The following NFATC1 variants were observed in gnomAD, a reference collection of about 807,000 sequenced individuals.
NFATC1 encodes nuclear factor of activated T-cells, cytoplasmic 1.
Under a neutral mutation model 76.0 loss-of-function variants are expected in NFATC1, and 22 were observed. That is an observed-to-expected ratio of 0.29 (90% CI 0.21 to 0.41). The LOEUF (loss-of-function observed/expected upper bound fraction) is 0.41. Ranked by LOEUF, NFATC1 falls within the 10% of genes least tolerant of loss-of-function variation. NFATC1 has a pLI of 1.00. For synonymous variants in NFATC1, 704 were observed against 613.1 expected (o/e 1.15, Z -2.19); for missense variants, 1,357 against 1,337.7 (o/e 1.01, Z -0.23).
In NFATC1 at chr18:79,451,772, A is replaced by G. The variant is rs572688512; in HGVS notation, c.1859A>G (p.Asn620Ser). 6.2e-7 allele frequency: 1 copy of G among 1,613,050 alleles called. No individual in the cohort carries two copies. The highest frequency in any genetic ancestry group is 8.5e-7 in the Non-Finnish European group (1 of 1,179,614). Reference sequence around the variant, plus strand: ...AAGAAGATGGTCCTGTCTGGCCACAACTTCCTGCAGGACTCCAAGGTCATT... The same window carrying G: ...AAGAAGATGGTCCTGTCTGGCCACAGCTTCCTGCAGGACTCCAAGGTCATT... ...GGKKMVLSGHNFLQDSKVIFV... is the reference protein window; with the variant it reads ...GGKKMVLSGHSFLQDSKVIFV... Residue 620 changes from asparagine (N) to serine (S), a missense_variant, in exon 6 of 10, where the codon AAC (asparagine) becomes AGC (serine). By Grantham distance (46) the Asn-to-Ser change is conservative. Transcript: ENST00000427363.
intron 9 of NFATC1, among the ~76,000 whole-genome samples, chr18:79,501,513 G>A (rs1332232374): frequency 6.6e-6 from 1 of 152,158 alleles, no homozygotes. Flanking sequence ...GAAATAAAAG[G>A]CAACCGGAAT....
chr18:79,425,171 ATCTGTCTCTCTGTC>A (rs1358320296), intron 2 of NFATC1, among the ~76,000 whole-genome samples: 13 of 34,328 alleles, frequency 3.8e-4, no homozygotes, highest in Admixed American at 1.9e-3. Flanking sequence ...CTGTCTCTCC[ATCTGTCTCTCTGTC>A]TCTGTCTCTC....
chr18:79,482,954 C>T (rs1350435949), intron 8 of NFATC1, among the ~76,000 whole-genome samples: 1 of 140,222 alleles, frequency 7.1e-6, no homozygotes. Flanking sequence ...GGTGTAATTC[C>T]AGCGTGACCT....
chr18:79,463,480 C>A (rs1028120946), intron 7 of NFATC1, among the ~76,000 whole-genome samples: 436 of 94,690 alleles, frequency 4.6e-3, no homozygotes, highest in Non-Finnish European at 6.5e-3. Context: ...TCCCCACAGC[C>A]CGTTCCCGTG....
chr18:79,424,007 C>G (rs958327066), intron 2 of NFATC1, among the ~76,000 whole-genome samples: 1 of 152,154 alleles, frequency 6.6e-6, no homozygotes, highest in Admixed American at 6.5e-5. Flanking sequence ...TAAGGTTGCC[C>G]GGGCCGCCGA....
intron 3 of NFATC1, among the ~76,000 whole-genome samples, chr18:79,447,506 C>T (rs550705339): frequency 2.0e-5 from 3 of 152,350 alleles, no homozygotes; most frequent in South Asian, 4.1e-4. Context: ...GGGGTCGACG[C>T]GTCCCAGGAT....
At chr18:79,454,195 G>A (rs970835027) in intron 6 of NFATC1, among the ~76,000 whole-genome samples, 6 of 152,186 alleles carry the variant, frequency 3.9e-5, no homozygotes, top group Admixed American at 6.5e-5. Context: ...TGCGTCTCTC[G>A]ACTGTCCTGC....
chr18:79,439,422 C>T (rs1440328268), intron 3 of NFATC1, among the ~76,000 whole-genome samples: 1 of 152,206 alleles, frequency 6.6e-6, no homozygotes, highest in African/African-American at 2.4e-5. Flanking sequence ...GGTCTGACCA[C>T]AAAACCACAC....
At chr18:79,404,414 A>G (rs1193025809) in intron 1 of NFATC1, among the ~76,000 whole-genome samples, 1 of 152,196 alleles carries the variant, frequency 6.6e-6, no homozygotes, top group African/African-American at 2.4e-5. Context: ...TGCCACTGTG[A>G]GGCAGCGTTT....
intron 7 of NFATC1, among the ~76,000 whole-genome samples, chr18:79,461,960 C>T (rs557341388): frequency 4.6e-5 from 7 of 152,372 alleles, no homozygotes; most frequent in East Asian, 1.9e-4. Flanking sequence ...AGCCTGTTAG[C>T]GGGCGGTGCA....
intron 2 of NFATC1, among the ~76,000 whole-genome samples, chr18:79,427,975 GTGCT>G (rs2086455338): frequency 6.9e-6 from 1 of 144,324 alleles, no homozygotes; most frequent in Admixed American, 6.9e-5. Context: ...TGGCGGGGGG[GTGCT>G]GGACGGCTGG....
intron 3 of NFATC1, among the ~76,000 whole-genome samples, chr18:79,441,658 C>T (rs558909632): frequency 3.3e-5 from 5 of 152,178 alleles, no homozygotes; most frequent in African/African-American, 9.6e-5. Flanking sequence ...AAATGACAAG[C>T]GCTCCTGCCG....
chr18:79,457,186 C>T (rs2087779405), intron 6 of NFATC1, among the ~76,000 whole-genome samples: 2 of 152,102 alleles, frequency 1.3e-5, no homozygotes, highest in South Asian at 2.1e-4. Context: ...AACCCCCAGG[C>T]TTCTCTGTTT....
intron 2 of NFATC1, among the ~76,000 whole-genome samples, chr18:79,419,462 C>T (rs555334833): frequency 3.8e-5 from 5 of 132,246 alleles, no homozygotes; most frequent in Non-Finnish European, 8.4e-5. Context: ...GGAGGGCCGG[C>T]ACCTGCCTGC....
At chr18:79,401,787 G>A (rs2085267054) in intron 1 of NFATC1, among the ~76,000 whole-genome samples, 1 of 152,162 alleles carries the variant, frequency 6.6e-6, no homozygotes, top group Non-Finnish European at 1.5e-5. Context: ...GGGGTCGGGT[G>A]GGACCTCCCA....
intron 6 of NFATC1, among the ~76,000 whole-genome samples, chr18:79,460,877 C>T (rs576148104): frequency 2.6e-5 from 4 of 152,320 alleles, no homozygotes; most frequent in African/African-American, 9.6e-5. Context: ...ACGCCCTGCA[C>T]ACGCTCTGCT....
chr18:79,451,836 C>T lies in NFATC1; in HGVS notation c.1903+20C>T. 1 of 1,588,964 alleles carries T rather than the reference C, an allele frequency of 6.3e-7. No homozygotes were observed. Among genetic ancestry groups the T allele is most frequent in the East Asian group, 2.3e-5 (1 of 44,040 alleles). Reference sequence around the variant, plus strand: ...CCCCAGGTATGCTCTTCACCAGGGGCCATCTGCGGCCTGGGCTTCGGCGCT... The same window carrying T: ...CCCCAGGTATGCTCTTCACCAGGGGTCATCTGCGGCCTGGGCTTCGGCGCT... On this transcript the variant is annotated intron_variant, in intron 6 of 9. Coordinates refer to ENST00000427363, the MANE Select transcript of NFATC1 (RefSeq NM_001278669.2).
intron 9 of NFATC1, among the ~76,000 whole-genome samples, chr18:79,520,531 T>TG (rs771400789): frequency 0.016 from 2,326 of 141,642 alleles, 79 homozygotes; most frequent in African/African-American, 0.056. Context: ...ACTCTGTGTG[T>TG]GGGGGGGGGA....
Position 79,433,631 on chromosome 18 carries a change from G to A in NFATC1, c.1279G>A (p.Glu427Lys). 1.9e-6 allele frequency: 3 copies of A among 1,613,146 alleles called. No individual in the cohort carries two copies. The highest frequency in any genetic ancestry group is 2.5e-6 in the Non-Finnish European group (3 of 1,179,946). ...WQLPSHSGPY[E>K]LRIEVQPKSH... ...GCTGCCGTCCCACTCAGGCCCGTAT[G>A]AGCTTCGGATTGAGGTGCAGCCCAA... The change falls in exon 3 of 10, where the codon GAG becomes AAG. Residue 427 changes from glutamate (E) to lysine (K), a missense_variant. By Grantham distance (56) the Glu-to-Lys change is moderately conservative. Around this residue, in one of 3 missense-constraint regions of NFATC1, gnomAD observed 691 missense variants for 613.1 expected, o/e 1.13. Coordinates refer to ENST00000427363, the MANE Select transcript of NFATC1 (RefSeq NM_001278669.2).
Sources: gnomAD v4.1 joint callset for allele counts (sites outside exome capture counted in the v4.1 genomes callset) on GRCh38, gnomAD v4.1.1 for gene constraint, gnomAD v4.1.1 regional missense constraint, MANE v1.5 for transcripts, NCBI Gene and HGNC (gene_info 2026-07-23, HGNC 2026-07-21) for gene names.